USP42: variants seen among roughly 807,000 people sequenced by gnomAD.
USP42 encodes the protein ubiquitin carboxyl-terminal hydrolase 42.
USP42 carries 23 observed loss-of-function variants against 113.0 expected under a neutral mutation model. The observed-to-expected ratio is 0.20, with a 90% CI of 0.15 to 0.29. The LOEUF (loss-of-function observed/expected upper bound fraction) is 0.29, where lower values mean the gene tolerates loss of function less well. USP42 is among the 10% of genes least tolerant of loss of function. The pLI is 1.00. For synonymous variants in USP42, 933 were observed against 699.0 expected (o/e 1.33, Z -5.28); for missense variants, 2,174 against 1,779.8 (o/e 1.22, Z -3.99).
At chr7:6,115,750 C>G (rs1315478706) in intron 3 of USP42, among the ~76,000 whole-genome samples, 1 of 152,084 alleles carries the variant, frequency 6.6e-6, no homozygotes, top group Non-Finnish European at 1.5e-5. Context: ...AACATTTTAT[C>G]AGCTTTTGGC....
At chr7:6,082,347 C>A in the USP42 span, among the ~76,000 whole-genome samples, 2 of 152,010 alleles carry the variant, frequency 1.3e-5, no homozygotes, top group African/African-American at 4.8e-5. Flanking sequence ...CCAGGATGGT[C>A]TCGATCTCCT....
intron 1 of USP42, among the ~76,000 whole-genome samples, chr7:6,105,381 G>C (rs1184677990): frequency 6.7e-6 from 1 of 149,162 alleles, no homozygotes; most frequent in East Asian, 2.0e-4. Flanking sequence ...CCTTCGGCCT[G>C]GGGGCCGGGC....
intron 3 of USP42, among the ~76,000 whole-genome samples, chr7:6,128,968 G>C (rs973097047): frequency 1.3e-5 from 2 of 152,008 alleles, no homozygotes; most frequent in Non-Finnish European, 2.9e-5. Flanking sequence ...CTACAGCTGT[G>C]CGCGACCATG....
chr7:6,158,389 A>T lies in USP42; in HGVS notation c.3944-1061A>T, dbSNP rs1243913847. Among the ~76,000 whole-genome samples the T allele has an allele frequency of 6.6e-6, 1 of 152,130 alleles. No individual in the cohort carries two copies. Among genetic ancestry groups the T allele is most frequent in the Non-Finnish European group, 1.5e-5 (1 of 68,030 alleles). ...CGTGTGAAGCGCATCCCCTCCTCCCAGGGGCTTTTGACGAATCTTCAGGGC... is the reference window on the plus strand; with the variant it reads ...CGTGTGAAGCGCATCCCCTCCTCCCTGGGGCTTTTGACGAATCTTCAGGGC... On this transcript the variant is annotated intron_variant, in intron 16 of 17. Coordinates refer to ENST00000306177, the MANE Select transcript of USP42 (RefSeq NM_032172.3). The surrounding 1 kb of genome is among the most constrained non-coding windows in gnomAD (Gnocchi z 4.2).
At chr7:6,144,907 T>C (rs982143668) in intron 9 of USP42, among the ~76,000 whole-genome samples, 1 of 152,088 alleles carries the variant, frequency 6.6e-6, no homozygotes, top group Admixed American at 6.6e-5. Flanking sequence ...GTCATTTTGT[T>C]AGTCTGTCCT....
Position 6,159,386 on chromosome 7 carries a change from C to T in USP42, c.3944-64C>T. The T allele has an allele frequency of 6.2e-7, 1 of 1,610,738 alleles. No individual in the cohort carries two copies. Among genetic ancestry groups the T allele is most frequent in the Non-Finnish European group, 8.5e-7 (1 of 1,177,700 alleles). The stretch of plus-strand genomic sequence containing the variant: ...ACCATAGCCACTTAACGCACACACA[C>T]AGCAGAGGCCCTGGCGATTTTGCAA... On this transcript the variant is annotated intron_variant, in intron 16 of 17. Coordinates refer to ENST00000306177, the MANE Select transcript of USP42 (RefSeq NM_032172.3). This position sits in a 1 kb window ranked among gnomAD's most constrained non-coding sequence, Gnocchi z 4.1.
At chr7:6,119,215 A>C (rs1780080059) in intron 3 of USP42, among the ~76,000 whole-genome samples, 1 of 151,624 alleles carries the variant, frequency 6.6e-6, no homozygotes, top group African/African-American at 2.4e-5. Context: ...ATGCTGTCTC[A>C]AAAAAAAAGT....
intron 14 of USP42, among the ~76,000 whole-genome samples, chr7:6,152,661 G>A (rs571195125): frequency 2.6e-5 from 4 of 152,356 alleles, no homozygotes; most frequent in Non-Finnish European, 5.9e-5. Context: ...GCCTCACCTA[G>A]GCCAGGTAGC....
the USP42 span, among the ~76,000 whole-genome samples, chr7:6,089,456 G>T: frequency 1.3e-5 from 2 of 150,404 alleles, no homozygotes; most frequent in African/African-American, 2.5e-5. Flanking sequence ...TTTTAAAAAC[G>T]TAATACATAT....
rs1244029041 is a variant in USP42 at position 6,161,337 on chromosome 7, A to C, written c.*819A>C. On this transcript the variant is annotated 3_prime_UTR_variant, in exon 18 of 18. Transcript: ENST00000306177. Reference sequence around the variant, plus strand: ...TATTTTTAATATGGATATGCTATCAAACTGTGATACACTTATAATTCACTG... The same window carrying C: ...TATTTTTAATATGGATATGCTATCACACTGTGATACACTTATAATTCACTG... The C allele has an allele frequency of 1.3e-5, 2 of 152,630 alleles. No homozygotes were observed. Among genetic ancestry groups the C allele is most frequent in the Non-Finnish European group, 2.9e-5 (2 of 68,040 alleles). 9.5% of individuals were successfully genotyped at this position (152,630 alleles called of 1,614,324 possible).
upstream of USP42, among the ~76,000 whole-genome samples, chr7:6,100,682 C>CT (rs1228529787): frequency 0.011 from 1,464 of 130,128 alleles, 51 homozygotes; most frequent in East Asian, 0.036. Flanking sequence ...TATCCACTGT[C>CT]TTTTTTTTTT....
chr7:6,114,349 G>T (rs1164440122), intron 2 of USP42, among the ~76,000 whole-genome samples: 1 of 151,948 alleles, frequency 6.6e-6, no homozygotes, highest in African/African-American at 2.4e-5. Flanking sequence ...TTTTTTAAAT[G>T]TTCAAAGTGG....
intron 4 of USP42, among the ~76,000 whole-genome samples, chr7:6,136,373 A>G (rs1177643815): frequency 6.6e-6 from 1 of 152,196 alleles, no homozygotes; most frequent in Non-Finnish European, 1.5e-5. Context: ...GAAAACAAAT[A>G]CATTTTGTCG....
At position 6,154,614 on chromosome 7, in the gene USP42, C is replaced by T. The variant is rs773587078; in HGVS notation, c.3060C>T (p.His1020=). ...GCTCTCTGGGCAGGTGCAGTCACCA[C>T]CACTCCCGACACCGGAGCGGGGTGG... The part of the protein sequence containing the change: ...ERRSLGRCSH[H]HSRHRSGVEL... The change falls in exon 15 of 18, where the codon CAC becomes CAT. Residue 1020 remains histidine, a synonymous_variant. Coordinates refer to ENST00000306177, the MANE Select transcript of USP42 (RefSeq NM_032172.3). 6.3e-6 allele frequency: 10 copies of T among 1,593,494 alleles called. No homozygotes were observed. Among genetic ancestry groups the T allele is most frequent in the Middle Eastern group, 3.3e-4 (2 of 6,052 alleles).
chr7:6,152,529 C>T (rs530705124), intron 14 of USP42, among the ~76,000 whole-genome samples: 3 of 151,450 alleles, frequency 2.0e-5, no homozygotes, highest in African/African-American at 7.4e-5. Flanking sequence ...TCACTGAGGC[C>T]CTCTGTTAGG....
At chr7:6,119,857 C>G (rs563349165) in intron 3 of USP42, among the ~76,000 whole-genome samples, 1 of 152,170 alleles carries the variant, frequency 6.6e-6, no homozygotes, top group East Asian at 1.9e-4. Context: ...GCATGTGCTA[C>G]AACACCTAGC....
rs866850561 is a variant in USP42 at position 6,155,033 on chromosome 7, G to A, written c.3479G>A (p.Arg1160Gln). ...CACGAACACGAAAATGGAAAGTCCC[G>A]GAAACGGAGACACGACAGTGTGGAG... Reference protein sequence around the residue: ...RFHEHENGKSRKRRHDSVENS... With the variant: ...RFHEHENGKSQKRRHDSVENS... The change falls in exon 15 of 18, where the codon CGG (arginine) becomes CAG (glutamine). Residue 1160 changes from arginine to glutamine, a missense_variant. Transcript: ENST00000306177. 1.3e-6 allele frequency: 2 copies of A among 1,563,732 alleles called. No individual in the cohort carries two copies. Among genetic ancestry groups the A allele is most frequent in the African/African-American group, 2.7e-5 (2 of 73,712 alleles).
At chr7:6,083,223 C>CTTAT in the USP42 span, among the ~76,000 whole-genome samples, 2,061 of 130,828 alleles carry the variant, frequency 0.016, 35 homozygotes, top group South Asian at 0.029. Flanking sequence ...CCGCACCCAG[C>CTTAT]TTATTTATTT....
the USP42 span, among the ~76,000 whole-genome samples, chr7:6,091,975 TTTTTTCTTCTTCTTCTTC>T: frequency 2.5e-4 from 33 of 132,388 alleles, 3 homozygotes; most frequent in African/African-American, 8.0e-4. Context: ...CAAGGACGTA[TTTTTTCTTCTTCTTCTTC>T]TTCTTCTTCT....
Sources: allele counts gnomAD v4.1 joint callset (sites outside exome capture counted in the v4.1 genomes callset), GRCh38; gene constraint gnomAD v4.1.1; non-coding constraint Gnocchi (gnomAD v3.1); transcripts MANE v1.5; gene names NCBI Gene and HGNC (gene_info 2026-07-23, HGNC 2026-07-21).